FRYL: variants seen among roughly 807,000 people sequenced by gnomAD.
FRYL encodes protein furry homolog-like.
In FRYL, 150 loss-of-function variants were observed where a neutral mutation model predicts 351.2. The observed-to-expected ratio is 0.43, with a 90% CI of 0.37 to 0.49. The LOEUF (loss-of-function observed/expected upper bound fraction) is 0.49, where lower values mean the gene tolerates loss of function less well. Ranked by LOEUF, FRYL falls within the 20% of genes least tolerant of loss-of-function variation. The probability of loss-of-function intolerance (pLI) is 0.00; values close to 1 mark genes in which losing one functional copy is unlikely to be tolerated. For missense variants in FRYL, 3,036 were observed against 3,619.3 expected (o/e 0.84, Z 4.13); for synonymous variants, 1,153 against 1,257.1 (o/e 0.92, Z 1.75).
intron 47 of FRYL, among the ~76,000 whole-genome samples, chr4:48,536,659 A>G (rs992450253): frequency 2.0e-5 from 3 of 152,178 alleles, no homozygotes; most frequent in African/African-American, 7.2e-5. Flanking sequence ...CTACTCTTAC[A>G]TACCAATCTG....
chr4:48,741,263 A>C (rs1445851054), intron 1 of FRYL, among the ~76,000 whole-genome samples: 1 of 152,004 alleles, frequency 6.6e-6, no homozygotes, highest in African/African-American at 2.4e-5. Flanking sequence ...TAGAAAAATG[A>C]CCAGGCACTG....
intron 49 of FRYL, among the ~76,000 whole-genome samples, chr4:48,533,496 C>G (rs1445467087): frequency 3.3e-5 from 5 of 152,122 alleles, no homozygotes; most frequent in South Asian, 2.1e-4. Flanking sequence ...AGTTTTATTA[C>G]TTTCAGATAT....
At chr4:48,619,906 A>C (rs1422355499) in intron 6 of FRYL, among the ~76,000 whole-genome samples, 1 of 152,202 alleles carries the variant, frequency 6.6e-6, no homozygotes, top group Non-Finnish European at 1.5e-5. Flanking sequence ...TTAGCATTTA[A>C]ACTTAACCTA....
rs775777275 is a variant in FRYL at position 48,563,279 on chromosome 4, T to TA, written c.3597-292dup. 3.8e-3 allele frequency among the ~76,000 whole-genome samples: 483 copies of TA among 126,288 alleles called. 2 individuals carry two copies. The highest frequency in any genetic ancestry group is 0.028 in the Middle Eastern group (7 of 246). The allele number at this position is 126,288 out of a possible 152,430, so 82.8% of individuals were successfully genotyped here. A position where few individuals can be genotyped will look rare whatever the true frequency, so the allele number is the denominator to read the frequency against. On this transcript the variant is annotated intron_variant, in intron 31 of 63. Coordinates refer to ENST00000358350, the MANE Select transcript of FRYL (RefSeq NM_015030.2). Reference sequence around the variant, plus strand: ...AATACACTAAAAACAGCTGATGAACTAAAAAAAAAAAAAAAATCCATGCAT... The same window carrying TA: ...AATACACTAAAAACAGCTGATGAACTAAAAAAAAAAAAAAAAATCCATGCAT...
chr4:48,537,794 G>T (rs925614127), intron 47 of FRYL, among the ~76,000 whole-genome samples: 6 of 152,106 alleles, frequency 3.9e-5, no homozygotes, highest in Admixed American at 6.6e-5. Context: ...CATCCTTCAG[G>T]CTAGGAGGCC....
intron 61 of FRYL, among the ~76,000 whole-genome samples, chr4:48,502,608 G>A (rs1719959619): frequency 6.6e-6 from 1 of 151,432 alleles, no homozygotes; most frequent in African/African-American, 2.4e-5. Context: ...GAGGAGATAT[G>A]TTTAAGAAAA....
chr4:48,610,791 A>G (rs1748003753), intron 7 of FRYL, among the ~76,000 whole-genome samples: 1 of 147,254 alleles, frequency 6.8e-6, no homozygotes, highest in Non-Finnish European at 1.5e-5. Flanking sequence ...TATTGTATAT[A>G]TTGAAATATG....
At chr4:48,618,528 C>T (rs1218393356) in intron 7 of FRYL, 3 of 146,298 alleles carry the variant, frequency 2.1e-5, no homozygotes, top group Non-Finnish European at 3.0e-5. Flanking sequence ...ATACAATGTT[C>T]GTGCCTGGAA....
At position 48,721,609 on chromosome 4, in the gene FRYL, T is replaced by A. The variant is rs544853923; in HGVS notation, c.-383-10911A>T. ...ATATACACAGCTTAAAACTTGAACA[T>A]CTTATCATCTCTAGCTGTTCTGAGA... On this transcript the variant is annotated intron_variant, in intron 1 of 63. Coordinates refer to ENST00000358350, the MANE Select transcript of FRYL (RefSeq NM_015030.2). Among the ~76,000 whole-genome samples, 44 of 152,260 alleles carry A rather than the reference T, an allele frequency of 2.9e-4. 1 individual carries two copies. Among genetic ancestry groups the A allele is most frequent in the African/African-American group, 1.1e-3 (44 of 41,558 alleles).
At position 48,499,300 on chromosome 4, in the gene FRYL, G is replaced by T; in HGVS notation, c.*122C>A. ...TTTTTGATGATACAGTTTGACATTA[G>T]TTACACTAAAAAGTAGATGCTGCCA... is the stretch of plus-strand genomic sequence containing the variant. On this transcript the variant is annotated 3_prime_UTR_variant, in exon 64 of 64. Transcript: ENST00000358350. 1 of 811,080 alleles carries T rather than the reference G, an allele frequency of 1.2e-6. No individual in the cohort carries two copies. Among genetic ancestry groups the T allele is most frequent in the Non-Finnish European group, 2.0e-6 (1 of 500,594 alleles). The allele number at this position is 811,080 out of a possible 1,614,324, so 50.2% of individuals were successfully genotyped here. A position where few individuals can be genotyped will look rare whatever the true frequency, so the allele number is the denominator to read the frequency against.
At chr4:48,768,075 T>C (rs776385452) in intron 1 of FRYL, among the ~76,000 whole-genome samples, 6 of 152,226 alleles carry the variant, frequency 3.9e-5, no homozygotes, top group Non-Finnish European at 7.3e-5. Context: ...GGATGTTTCT[T>C]TTCCTGACAC....
chr4:48,638,530 A>G (rs1754707528), intron 3 of FRYL: 1 of 152,208 alleles, frequency 6.6e-6, no homozygotes, highest in African/African-American at 2.4e-5. Flanking sequence ...TAGTTCAACC[A>G]TTGTGGAAGA....
At chr4:48,640,852 T>TATCTG (rs773230296) in intron 3 of FRYL, among the ~76,000 whole-genome samples, 55 of 152,266 alleles carry the variant, frequency 3.6e-4, no homozygotes, top group Non-Finnish European at 7.5e-4. Context: ...ATCCTATCCC[T>TATCTG]GTCAGCCAGA....
chr4:48,626,775 T>C (rs182325763), intron 4 of FRYL, among the ~76,000 whole-genome samples: 37 of 152,234 alleles, frequency 2.4e-4, no homozygotes, highest in Admixed American at 1.9e-3. Flanking sequence ...AGCTTCTCTA[T>C]CCAGTAGTCC....
Position 48,603,621 on chromosome 4 carries a change from C to T in FRYL, c.835-233G>A, listed in dbSNP as rs534357182. ...CTAAGAGGACACAGTATAACAGGTC[C>T]ACTGAGAGCAAATTCTCTGTGCTCT... On this transcript the variant is annotated intron_variant, in intron 11 of 63. Transcript: ENST00000358350. 2.0e-5 allele frequency among the ~76,000 whole-genome samples: 3 copies of T among 152,232 alleles called. No individual in the cohort carries two copies. The South Asian group carries it at 6.2e-4, about 32-fold the overall frequency.
chr4:48,665,182 A>G (rs1761494993), intron 3 of FRYL, among the ~76,000 whole-genome samples: 2 of 152,188 alleles, frequency 1.3e-5, no homozygotes, highest in South Asian at 4.1e-4. Context: ...TTCCTGACAC[A>G]GGTATTCATT....
intron 4 of FRYL, among the ~76,000 whole-genome samples, chr4:48,629,922 G>A (rs1001079562): frequency 1.3e-5 from 2 of 152,180 alleles, no homozygotes; most frequent in Non-Finnish European, 2.9e-5. Context: ...ACCTTCAGAG[G>A]CATTGCCTTT....
intron 16 of FRYL, 87 bp from the exon 17 acceptor site, chr4:48,590,917 G>C: frequency 1.0e-6 from 1 of 973,606 alleles, no homozygotes; most frequent in Non-Finnish European, 1.5e-6. Flanking sequence ...AGTAACATCA[G>C]AGTTGGGGGG....
At chr4:48,719,926 T>C (rs1298590471) in intron 1 of FRYL, among the ~76,000 whole-genome samples, 1 of 147,394 alleles carries the variant, frequency 6.8e-6, no homozygotes, top group Non-Finnish European at 1.5e-5. Context: ...CTGAGGTGAG[T>C]GGATCACGAG....
Sources: allele counts gnomAD v4.1 joint callset (sites outside exome capture counted in the v4.1 genomes callset), GRCh38; gene constraint gnomAD v4.1.1; transcripts MANE v1.5; gene names NCBI Gene and HGNC (gene_info 2026-07-23, HGNC 2026-07-21).